The following NSMCE1 variants were observed in gnomAD, a reference collection of about 807,000 sequenced individuals.
NSMCE1 encodes the protein NSE1 component of SMC5/6 complex, also known as non-structural maintenance of chromosomes element 1 homolog.
A neutral mutation model predicts 29.6 loss-of-function variants in NSMCE1; 18 were observed. The observed-to-expected ratio is 0.61, with a 90% confidence interval of 0.42 to 0.90. The LOEUF (loss-of-function observed/expected upper bound fraction) is 0.90. Ranked by LOEUF, NSMCE1 falls within the 40% of genes least tolerant of loss-of-function variation. NSMCE1 has a pLI of 0.00. For missense variants in NSMCE1, 314 were observed against 343.6 expected (o/e 0.91, Z 0.68); for synonymous variants, 124 against 133.4 (o/e 0.93, Z 0.49).
At chr16:27,251,383 T>C (rs1009409105) in intron 2 of NSMCE1, among the ~76,000 whole-genome samples, 4 of 151,682 alleles carry the variant, frequency 2.6e-5, no homozygotes, top group Non-Finnish European at 5.9e-5. Context: ...AACACAAGAT[T>C]TTTCTTTTTT....
chr16:27,238,301 T>A (rs2083850030), intron 2 of NSMCE1, among the ~76,000 whole-genome samples: 1 of 152,126 alleles, frequency 6.6e-6, no homozygotes, highest in Admixed American at 6.5e-5. Context: ...TCCCTCCCGC[T>A]TCTCTACCAC....
intron 2 of NSMCE1, among the ~76,000 whole-genome samples, chr16:27,248,394 G>A (rs925757806): frequency 2.7e-5 from 4 of 146,472 alleles, no homozygotes; most frequent in Non-Finnish European, 6.0e-5. Flanking sequence ...AGCTCACTGC[G>A]GTTTTAGTTT....
chr16:27,257,725 A>G, intron 1 of NSMCE1, 144 bp from the exon 2 acceptor site: 2 of 673,560 alleles, frequency 3.0e-6, no homozygotes, highest in Non-Finnish European at 4.8e-6. Flanking sequence ...AAAGGTGAGA[A>G]GAAGAACACG....
intron 7 of NSMCE1, 112 bp downstream of exon 7, chr16:27,225,614 C>T: frequency 7.9e-7 from 1 of 1,268,114 alleles, no homozygotes; most frequent in African/African-American, 1.5e-5. Context: ...CTAACACGGA[C>T]CCCCACACAC....
intron 2 of NSMCE1, among the ~76,000 whole-genome samples, chr16:27,249,898 C>T (rs1163705997): frequency 6.6e-6 from 1 of 152,206 alleles, no homozygotes; most frequent in East Asian, 1.9e-4. Flanking sequence ...CATGAACATG[C>T]TATGTCTTTC....
intron 1 of NSMCE1, among the ~76,000 whole-genome samples, chr16:27,267,954 G>C (rs1347389879): frequency 6.6e-6 from 1 of 152,098 alleles, no homozygotes; most frequent in Non-Finnish European, 1.5e-5. Flanking sequence ...TATTAGCCAG[G>C]CTGGTTTCGA....
chr16:27,248,760 G>A (rs558016028), intron 2 of NSMCE1, among the ~76,000 whole-genome samples: 1 of 151,820 alleles, frequency 6.6e-6, no homozygotes, highest in African/African-American at 2.4e-5. Context: ...GTGCTCATCT[G>A]CCATCTGTAC....
intron 2 of NSMCE1, among the ~76,000 whole-genome samples, chr16:27,256,551 C>T (rs116202007): frequency 1.8e-3 from 274 of 152,386 alleles, no homozygotes; most frequent in African/African-American, 6.3e-3. Context: ...TACAATTACT[C>T]ATCCATCACC....
At chr16:27,247,145 CAA>C (rs2083966222) in intron 2 of NSMCE1, among the ~76,000 whole-genome samples, 14 of 152,134 alleles carry the variant, frequency 9.2e-5, no homozygotes, top group Admixed American at 9.2e-4. Flanking sequence ...TGTGTCCACC[CAA>C]ATCTCATCTT....
chr16:27,247,616 T>C (rs1231238904), intron 2 of NSMCE1, among the ~76,000 whole-genome samples: 2 of 152,130 alleles, frequency 1.3e-5, no homozygotes, highest in Admixed American at 6.6e-5. Flanking sequence ...GTACGCATTG[T>C]CTAGAATTTC....
At chr16:27,266,460 T>A (rs1415934271) in intron 1 of NSMCE1, 1 of 152,002 alleles carries the variant, frequency 6.6e-6, no homozygotes, top group Non-Finnish European at 1.5e-5. Context: ...TTTTATTTTA[T>A]ACAAAAATCA....
At position 27,250,843 on chromosome 16, in the gene NSMCE1, G is replaced by GTT. The variant is rs200523800; in HGVS notation, c.136+6590_136+6591dup. ...AAATGAAATTTATTTAATTTTAACTGTTTTTTTTTTTTTTTTGAGATGGAG... is the reference window on the plus strand; with the variant it reads ...AAATGAAATTTATTTAATTTTAACTGTTTTTTTTTTTTTTTTTTGAGATGGAG... On this transcript the variant is annotated intron_variant, in intron 2 of 7. Transcript: ENST00000361439. Among the ~76,000 whole-genome samples, 904 of 122,838 alleles carry GTT rather than the reference G, an allele frequency of 7.4e-3. 20 individuals carry two copies. The highest frequency in any genetic ancestry group is 0.019 in the African/African-American group (619 of 32,926). 80.6% of individuals were successfully genotyped at this position (122,838 alleles called of 152,430 possible). A position where few individuals can be genotyped will look rare whatever the true frequency, so the allele number is the denominator to read the frequency against.
intron 5 of NSMCE1, among the ~76,000 whole-genome samples, chr16:27,230,035 C>G (rs990777437): frequency 2.6e-5 from 4 of 152,218 alleles, no homozygotes; most frequent in African/African-American, 9.7e-5. Context: ...TCCCAGGCGC[C>G]TCGCCACAAC....
At chr16:27,231,054 A>C (rs1476004280) in intron 5 of NSMCE1, among the ~76,000 whole-genome samples, 1 of 152,264 alleles carries the variant, frequency 6.6e-6, no homozygotes, top group African/African-American at 2.4e-5. Flanking sequence ...GGTGCAAAGC[A>C]GGGTGCAAAG....
chr16:27,236,210 C>T (rs1336411618), intron 2 of NSMCE1, among the ~76,000 whole-genome samples: 2 of 151,676 alleles, frequency 1.3e-5, no homozygotes, highest in African/African-American at 2.4e-5. Context: ...CAGGGCCTTT[C>T]TCCTGTGGCA....
intron 2 of NSMCE1, among the ~76,000 whole-genome samples, chr16:27,236,429 T>C (rs1304985734): frequency 6.6e-6 from 1 of 151,524 alleles, no homozygotes; most frequent in African/African-American, 2.4e-5. Context: ...CCCGAGGAGT[T>C]GAGATTACAG....
chr16:27,225,797 G>A lies in NSMCE1; in HGVS notation c.650C>T (p.Ala217Val). ...CGIRMHLPCV[A>V]KYFQSNAEPR... Reference sequence around the variant, plus strand: ...TTCAGCATTCGACTGGAAGTACTTGGCCACGCAGGGTAAGTGCATCCTGAT... The same window carrying A: ...TTCAGCATTCGACTGGAAGTACTTGACCACGCAGGGTAAGTGCATCCTGAT... Residue 217 changes from alanine to valine, a missense_variant, in exon 7 of 8, where the codon GCC (alanine) becomes GTC (valine). Physicochemically the swap from Ala to Val is moderately conservative, Grantham distance 64. Coordinates refer to ENST00000361439, the MANE Select transcript of NSMCE1 (RefSeq NM_145080.4). The A allele has an allele frequency of 6.2e-7, 1 of 1,614,154 alleles. No homozygotes were observed. Among genetic ancestry groups the A allele is most frequent in the Non-Finnish European group, 8.5e-7 (1 of 1,179,992 alleles).
Position 27,228,997 on chromosome 16 carries a change from C to A in NSMCE1, c.484-2161G>T, listed in dbSNP as rs540683916. On this transcript the variant is annotated intron_variant, in intron 5 of 7. Coordinates refer to ENST00000361439, the MANE Select transcript of NSMCE1 (RefSeq NM_145080.4). ...CCACTCTCCTCCAGCAACGCACTCG[C>A]TACCGAACAAGCCTGGCCCTGTCAC... Among the ~76,000 whole-genome samples, 3 of 152,278 alleles carry A rather than the reference C, an allele frequency of 2.0e-5. No homozygotes were observed. In the South Asian group the frequency reaches 6.2e-4, roughly 32 times the overall value.
chr16:27,252,240 A>G (rs369289311), intron 2 of NSMCE1, among the ~76,000 whole-genome samples: 1 of 152,306 alleles, frequency 6.6e-6, no homozygotes, highest in Non-Finnish European at 1.5e-5. Flanking sequence ...CCAAGCCTCA[A>G]TAAAAAACAT....
Sources: gnomAD v4.1 joint callset for allele counts (sites outside exome capture counted in the v4.1 genomes callset) on GRCh38, gnomAD v4.1.1 for gene constraint, MANE v1.5 for transcripts, NCBI Gene and HGNC (gene_info 2026-07-23, HGNC 2026-07-21) for gene names.